The following FAT4 variants were observed in gnomAD, a reference collection of about 807,000 sequenced individuals.
FAT4 encodes the protein FAT atypical cadherin 4, also known as protocadherin Fat 4.
FAT4 carries 84 observed loss-of-function variants against 303.9 expected under a neutral mutation model. The observed-to-expected ratio is 0.28, with a 90% CI of 0.23 to 0.33. The LOEUF (loss-of-function observed/expected upper bound fraction) is 0.33, where lower values mean the gene tolerates loss of function less well. Among genes scored for constraint, FAT4 ranks in the 10% least tolerant of loss-of-function variants. The pLI is 1.00. For missense variants in FAT4, 6,005 were observed against 6,146.8 expected (o/e 0.98, Z 0.77); for synonymous variants, 2,307 against 2,298.8 (o/e 1.00, Z -0.10).
chr4:125,316,618 C>G lies in FAT4; in HGVS notation c.207C>G (p.Gly69=). The G allele has an allele frequency of 6.2e-7, 1 of 1,614,002 alleles. No individual in the cohort carries two copies. The highest frequency in any genetic ancestry group is 8.5e-7 in the Non-Finnish European group (1 of 1,180,038). Residue 69 remains glycine, a synonymous_variant, in exon 2 of 18, where the codon GGC becomes GGG. Transcript: ENST00000394329. The surrounding 1 kb of genome is among the most constrained non-coding windows in gnomAD (Gnocchi z 5.7). ...TLVGTIQTRP[G]FTYRLSESHA... ...TAGGCACCATCCAGACGCGCCCCGG[C>G]TTCACCTACAGGCTCAGCGAAAGCC...
At chr4:125,332,353 TTAATGC>T (rs1731417370) in intron 2 of FAT4, among the ~76,000 whole-genome samples, 1 of 152,142 alleles carries the variant, frequency 6.6e-6, no homozygotes, top group African/African-American at 2.4e-5. Flanking sequence ...CAGTCTGGTG[TTAATGC>T]TATTTTTCAT....
chr4:125,442,218 G>A (rs1013432859), intron 8 of FAT4, among the ~76,000 whole-genome samples: 1 of 152,108 alleles, frequency 6.6e-6, no homozygotes, highest in African/African-American at 2.4e-5. Context: ...CTCTGAGGAA[G>A]CTTTATTTTA....
intron 7 of FAT4, among the ~76,000 whole-genome samples, chr4:125,433,893 G>C (rs375422504): frequency 2.6e-5 from 4 of 152,048 alleles, no homozygotes; most frequent in South Asian, 2.1e-4. Context: ...CTTCAAATCT[G>C]GTTTTGTGCT....
chr4:125,382,580 A>G (rs1733582853), intron 2 of FAT4, among the ~76,000 whole-genome samples: 1 of 152,182 alleles, frequency 6.6e-6, no homozygotes. Context: ...GAGTAGACAT[A>G]GCATACTTCT....
Position 125,443,297 on chromosome 4 carries a change from G to A in FAT4, c.7200-2996G>A, listed in dbSNP as rs562871321. ...TTCTCAAATTAGAAAATAATTTAACGTGTTTATTGATTTTCATTGAACTAA... is the reference window on the plus strand; with the variant it reads ...TTCTCAAATTAGAAAATAATTTAACATGTTTATTGATTTTCATTGAACTAA... On this transcript the variant is annotated intron_variant, in intron 8 of 17. Coordinates refer to ENST00000394329, the MANE Select transcript of FAT4 (RefSeq NM_001291303.3). 4.5e-4 allele frequency among the ~76,000 whole-genome samples: 68 copies of A among 152,168 alleles called. 1 individual carries two copies. In the South Asian group the frequency reaches 0.013, roughly 29 times the overall value.
intron 2 of FAT4, among the ~76,000 whole-genome samples, chr4:125,333,451 G>T (rs1284409124): frequency 6.6e-6 from 1 of 152,112 alleles, no homozygotes; most frequent in Non-Finnish European, 1.5e-5. Context: ...TTGTAAAAGT[G>T]CAGTTCTGGC....
chr4:125,398,921 T>C lies in FAT4; in HGVS notation c.5307+6T>C. ...CAGCCATGGATGCTGATGAGGTAGC[T>C]CAAGCATGTCTCTGAATTTGTGAAA... is the stretch of plus-strand genomic sequence containing the variant. On this transcript the variant is annotated splice_donor_region_variant and intron_variant, in intron 3 of 17. Coordinates refer to ENST00000394329, the MANE Select transcript of FAT4 (RefSeq NM_001291303.3). 6.2e-7 allele frequency: 1 copy of C among 1,612,588 alleles called. No individual in the cohort carries two copies.
Position 125,319,322 on chromosome 4 carries a change from A to G in FAT4, c.2911A>G (p.Met971Val). Residue 971 changes from methionine (M) to valine (V), a missense_variant, in exon 2 of 18, where the codon ATG becomes GTG. By Grantham distance (21) the Met-to-Val change is conservative (BLOSUM62 1). Transcript: ENST00000394329. ...CCAAATAGAGATCTTGGCATCTGAC[A>G]TGGGTGTCCCACAGCTCTCCTCTAG... The part of the protein sequence containing the change: ...SYQIEILASD[M>V]GVPQLSSSVI... 3 of 1,613,984 alleles carry G rather than the reference A, an allele frequency of 1.9e-6. No homozygotes were observed. The highest frequency in any genetic ancestry group is 2.5e-6 in the Non-Finnish European group (3 of 1,179,958).
At chr4:125,487,243 A>G in intron 16 of FAT4, 102 bp from the exon 17 acceptor site, 4 of 987,066 alleles carry the variant, frequency 4.1e-6, no homozygotes, top group Non-Finnish European at 4.4e-6. Flanking sequence ...CAGCTATTCT[A>G]TCTGCTGTGG....
intron 17 of FAT4, 145 bp downstream of exon 17, chr4:125,487,751 G>C (rs1369011993): frequency 1.3e-6 from 1 of 748,414 alleles, no homozygotes; most frequent in South Asian, 3.4e-5. Context: ...GTTTAAAAAA[G>C]TAGTTTGATG....
At chr4:125,378,107 T>C (rs1733401690) in intron 2 of FAT4, among the ~76,000 whole-genome samples, 1 of 152,134 alleles carries the variant, frequency 6.6e-6, no homozygotes, top group Non-Finnish European at 1.5e-5. Flanking sequence ...ATGCCAATCC[T>C]GCTCCAGATT....
At chr4:125,441,870 T>C (rs1195318388) in intron 8 of FAT4, among the ~76,000 whole-genome samples, 1 of 152,206 alleles carries the variant, frequency 6.6e-6, no homozygotes, top group Non-Finnish European at 1.5e-5. Context: ...CCAAGCCTTA[T>C]AGGTTTGCTC....
rs752824313 is a variant in FAT4 at position 125,318,761 on chromosome 4, T to A, written c.2350T>A (p.Leu784Met). The change falls in exon 2 of 18, where the codon TTG becomes ATG. Residue 784 changes from leucine to methionine, a missense_variant. Transcript: ENST00000394329. ...PNQAIVTITV[L>M]DTQDNPPVFS... ...CCAGGCAATAGTAACCATCACTGTATTGGACACTCAAGACAACCCACCTGT... is the reference window on the plus strand; with the variant it reads ...CCAGGCAATAGTAACCATCACTGTAATGGACACTCAAGACAACCCACCTGT... 4.2e-5 allele frequency: 67 copies of A among 1,614,024 alleles called. No individual in the cohort carries two copies. Among genetic ancestry groups the A allele is most frequent in the Non-Finnish European group, 5.3e-5 (62 of 1,180,016 alleles).
In FAT4 at chr4:125,403,665, C is replaced by T. The variant is rs139696576; in HGVS notation, c.5308-3215C>T. On this transcript the variant is annotated intron_variant, in intron 3 of 17. Transcript: ENST00000394329. ...TATTCTTTAATCCCTAAATACACCG[C>T]AAATAAAATTTCACTTCCTATTTAT... is the stretch of plus-strand genomic sequence containing the variant. 2.4e-3 allele frequency among the ~76,000 whole-genome samples: 362 copies of T among 152,200 alleles called. 3 individuals carry two copies. Among genetic ancestry groups the T allele is most frequent in the Admixed American group, 8.1e-3 (124 of 15,252 alleles).
intron 2 of FAT4, among the ~76,000 whole-genome samples, chr4:125,379,746 C>T (rs1471749556): frequency 6.6e-6 from 1 of 151,908 alleles, no homozygotes; most frequent in African/African-American, 2.4e-5. Flanking sequence ...AGGTATGAGC[C>T]ACCGCGCTTG....
chr4:125,360,491 A>T (rs1487248784), intron 2 of FAT4, among the ~76,000 whole-genome samples: 1 of 152,156 alleles, frequency 6.6e-6, no homozygotes, highest in Middle Eastern at 3.2e-3. Context: ...CTCCCTCGGT[A>T]GAGTCCCACT....
chr4:125,321,373 T>C lies in FAT4; in HGVS notation c.4962T>C (p.Ala1654=), dbSNP rs547299465. The C allele has an allele frequency of 8.1e-6, 13 of 1,614,132 alleles. No homozygotes were observed. The South Asian group carries it at 1.3e-4, about 16-fold the overall frequency. Residue 1654 remains alanine (A), a synonymous_variant, in exon 2 of 18, where the codon GCT becomes GCC. Coordinates refer to ENST00000394329, the MANE Select transcript of FAT4 (RefSeq NM_001291303.3). Reference sequence around the variant, plus strand: ...CAAACGTGATATCAATAGAAGCAGCTAGCCCCAGAGGATCTGAGGCCCCAG... The same window carrying C: ...CAAACGTGATATCAATAGAAGCAGCCAGCCCCAGAGGATCTGAGGCCCCAG... ...IGTNVISIEA[A]SPRGSEAPVE... is the part of the protein sequence containing the mutation.
chr4:125,446,326 G>C lies in FAT4; in HGVS notation c.7233G>C (p.Thr2411=), dbSNP rs762694598. 17 of 1,612,858 alleles carry C rather than the reference G, an allele frequency of 1.1e-5. No homozygotes were observed. Among genetic ancestry groups the C allele is most frequent in the Admixed American group, 1.7e-5 (1 of 59,944 alleles). Reference sequence around the variant, plus strand: ...TCATCGGTGGAAACTCTCAGTTCACGATCAACCCATCGACAGGACAAATCA... The same window carrying C: ...TCATCGGTGGAAACTCTCAGTTCACCATCAACCCATCGACAGGACAAATCA... ...YRIIGGNSQF[T]INPSTGQIIT... The change falls in exon 9 of 18, where the codon ACG becomes ACC. Residue 2411 remains threonine (T), a synonymous_variant. Coordinates refer to ENST00000394329, the MANE Select transcript of FAT4 (RefSeq NM_001291303.3).
intron 2 of FAT4, among the ~76,000 whole-genome samples, chr4:125,347,562 A>G (rs1732052021): frequency 6.6e-6 from 1 of 151,488 alleles, no homozygotes; most frequent in African/African-American, 2.4e-5. Flanking sequence ...TATTTGATAT[A>G]TAATTTGAAT....
Sources: gnomAD v4.1 joint callset for allele counts (sites outside exome capture counted in the v4.1 genomes callset) on GRCh38, gnomAD v4.1.1 for gene constraint, Gnocchi (gnomAD v3.1) non-coding constraint, MANE v1.5 for transcripts, NCBI Gene and HGNC (gene_info 2026-07-23, HGNC 2026-07-21) for gene names.